Variants in BST2 observed in about 807,000 individuals in gnomAD.
The protein encoded by BST2 is bone marrow stromal antigen 2.
In BST2, 10 loss-of-function variants were observed where a neutral mutation model predicts 18.6. That is an observed-to-expected ratio of 0.54 (90% CI 0.33 to 0.91). BST2 has a LOEUF of 0.91. Among genes scored for constraint, BST2 ranks in the 40% least tolerant of loss-of-function variants. The probability of loss-of-function intolerance (pLI) is 0.02; values close to 1 mark genes in which losing one functional copy is unlikely to be tolerated. For missense variants in BST2, 183 were observed against 228.4 expected, an observed-to-expected ratio of 0.80 and a Z score of 1.28; for synonymous variants, 75 against 96.8, an observed-to-expected ratio of 0.77 and a Z score of 1.32.
At chr19:17,404,904 A>G (rs2074717000) in intron 1 of BST2, among the ~76,000 whole-genome samples, 1 of 152,138 alleles carries the variant, frequency 6.6e-6, no homozygotes, top group African/African-American at 2.4e-5. Context: ...CCCCTTTTTC[A>G]GGGTCTGGTG....
chr19:17,403,870 G>T, intron 3 of BST2, 46 bp from the exon 4 acceptor site: 1 of 1,590,966 alleles, frequency 6.3e-7, no homozygotes. Flanking sequence ...CCTGGCTCCT[G>T]CCGCCCTCCC....
chr19:17,403,805 T>C lies in BST2; in HGVS notation c.433A>G (p.Ser145Gly). ...ERLRRENQVL[S>G]VRIADKKYYP... ...TACTTCTTGTCCGCGATTCTCACGC[T>C]TAAGACCTGGTTTTCTCTTCTGCGG... The change falls in exon 4 of 5, where the codon AGC becomes GGC. Residue 145 changes from serine (S) to glycine (G), a missense_variant. Physicochemically the swap from Ser to Gly is moderately conservative, Grantham distance 56. Coordinates refer to ENST00000252593, the MANE Select transcript of BST2 (RefSeq NM_004335.4). 15 of 1,605,672 alleles carry C rather than the reference T, an allele frequency of 9.3e-6. No individual in the cohort carries two copies. The highest frequency in any genetic ancestry group is 1.3e-5 in the Non-Finnish European group (15 of 1,177,870).
intron 2 of BST2, 86 bp downstream of exon 2, chr19:17,404,285 A>G (rs2074713468): frequency 6.5e-7 from 1 of 1,540,272 alleles, no homozygotes; most frequent in Non-Finnish European, 9.0e-7. Flanking sequence ...CCTTACCCCA[A>G]CCTCCAGCCC....
At chr19:17,404,698 G>A (rs954637816) in intron 1 of BST2, among the ~76,000 whole-genome samples, 2 of 152,148 alleles carry the variant, frequency 1.3e-5, no homozygotes, top group African/African-American at 2.4e-5. Context: ...GGAGGCTATC[G>A]ATAACCAAAG....
Position 17,405,485 on chromosome 19 carries a change from G to A in BST2, c.91C>T (p.Leu31Phe), listed in dbSNP as rs556888178. The part of the protein sequence containing the change: ...KLLLGIGILV[L>F]LIIVILGVPL... ...ACCCCCAGAATCACGATGATCAGGA[G>A]CACCAGAATTCCTATCCCCAGCAGA... The change falls in exon 1 of 5, where the codon CTC becomes TTC. Residue 31 changes from leucine to phenylalanine, a missense_variant. Physicochemically the swap from Leu to Phe is conservative, Grantham distance 22. Transcript: ENST00000252593. 3 of 1,614,252 alleles carry A rather than the reference G, an allele frequency of 1.9e-6. No homozygotes were observed. The highest frequency in any genetic ancestry group is 1.1e-5 in the South Asian group (1 of 91,090).
In BST2 at chr19:17,403,702, A is replaced by G. The variant is rs2074709141; in HGVS notation, c.536T>C (p.Leu179Pro). 1.2e-6 allele frequency: 2 copies of G among 1,611,912 alleles called. No individual in the cohort carries two copies. The highest frequency in any genetic ancestry group is 8.5e-7 in the Non-Finnish European group (1 of 1,179,594). The change falls in exon 4 of 5, where the codon CTG becomes CCG. Residue 179 changes from leucine (L) to proline (P), a missense_variant. By Grantham distance (98) the Leu-to-Pro change is moderately conservative. Transcript: ENST00000252593. ...GACCAGCTTCCTGGGATCTCACTGC[A>G]GCAGAGCGCTGAGGCCCAGCAGCAC... ...LIVLLGLSAL[L>P]Q
At chr19:17,404,960 T>G (rs1035455507) in intron 1 of BST2, among the ~76,000 whole-genome samples, 1 of 152,218 alleles carries the variant, frequency 6.6e-6, no homozygotes, top group African/African-American at 2.4e-5. Context: ...CCCCCAGGAC[T>G]GGTGCCCACG....
chr19:17,403,097 GA>G lies in BST2; in HGVS notation c.*244del. Reference sequence around the variant, plus strand: ...TCTCAGGGTGGGAGACAAGAGGGGGGACTCATTGTCCGGAGGGAGGCTCTGG... The same window carrying G: ...TCTCAGGGTGGGAGACAAGAGGGGGGCTCATTGTCCGGAGGGAGGCTCTGG... On this transcript the variant is annotated 3_prime_UTR_variant, in exon 5 of 5. Transcript: ENST00000252593. 18 of 985,318 alleles carry G rather than the reference GA, an allele frequency of 1.8e-5. No homozygotes were observed. Among genetic ancestry groups the G allele is most frequent in the Non-Finnish European group, 2.2e-5 (18 of 830,062 alleles). The allele number at this position is 985,318 out of a possible 1,614,324, so 61.0% of individuals were successfully genotyped here. A position where few individuals can be genotyped will look rare whatever the true frequency, so the allele number is the denominator to read the frequency against.
chr19:17,403,886 G>A (rs1346189909), intron 3 of BST2, 62 bp from the exon 4 acceptor site: 78 of 1,571,358 alleles, frequency 5.0e-5, no homozygotes, highest in Non-Finnish European at 5.9e-5. Context: ...CTCCCTGTAA[G>A]CCCACCGCCC....
Position 17,403,680 on chromosome 19 carries a change from C to G in BST2, c.*15G>C, listed in dbSNP as rs759900148. 1.0e-4 allele frequency: 166 copies of G among 1,610,828 alleles called. No homozygotes were observed. Among genetic ancestry groups the G allele is most frequent in the Non-Finnish European group, 1.4e-4 (162 of 1,179,766 alleles). On this transcript the variant is annotated splice_region_variant and 3_prime_UTR_variant, in exon 4 of 5. Coordinates refer to ENST00000252593, the MANE Select transcript of BST2 (RefSeq NM_004335.4). Reference sequence around the variant, plus strand: ...CCGGGGCCGCCCCCTCCTCACTGACCAGCTTCCTGGGATCTCACTGCAGCA... The same window carrying G: ...CCGGGGCCGCCCCCTCCTCACTGACGAGCTTCCTGGGATCTCACTGCAGCA...
At chr19:17,403,918 C>CCCCAATCCAAGTCACCGG in intron 3 of BST2, 94 bp from the exon 4 acceptor site, 1 of 1,503,510 alleles carries the variant, frequency 6.7e-7, no homozygotes, top group Non-Finnish European at 8.9e-7. Flanking sequence ...CCCCGCACCG[C>CCCCAATCCAAGTCACCGG]CCCAATCCAA....
In BST2 at chr19:17,405,317, G is replaced by T. The variant is rs1490868116; in HGVS notation, c.259C>A (p.Gln87Lys). 6.2e-7 allele frequency: 1 copy of T among 1,613,010 alleles called. No individual in the cohort carries two copies. The highest frequency in any genetic ancestry group is 1.3e-5 in the African/African-American group (1 of 75,052). The part of the protein sequence containing the change: ...AQKGFQDVEA[Q>K]AATCNHTVMA... ...ACAGTGTGGTTGCAGGTGGCGGCCT[G>T]GGCCTCCACATCCTGAAAGCCCTTC... The change falls in exon 1 of 5, where the codon CAG becomes AAG. Residue 87 changes from glutamine (Q) to lysine (K), a missense_variant. By Grantham distance (53) the Gln-to-Lys change is moderately conservative. Coordinates refer to ENST00000252593, the MANE Select transcript of BST2 (RefSeq NM_004335.4).
chr19:17,403,630 C>T, intron 4 of BST2, 50 bp downstream of exon 4: 2 of 1,575,312 alleles, frequency 1.3e-6, no homozygotes, highest in African/African-American at 1.4e-5. Flanking sequence ...TTCCCCGCCC[C>T]GCTTCCCCAG....
chr19:17,404,122 C>T lies in BST2; in HGVS notation c.413+7G>A, dbSNP rs2074712185. 4.4e-6 allele frequency: 7 copies of T among 1,581,878 alleles called. No homozygotes were observed. The highest frequency in any genetic ancestry group is 6.0e-6 in the Non-Finnish European group (7 of 1,164,232). On this transcript the variant is annotated splice_region_variant and intron_variant, in intron 3 of 4. Transcript: ENST00000252593. ...GTGGAGGGTAGCGGGGGAAGGCTATCTCTGACCTCAGTCGCTCCACCTCTG... is the reference window on the plus strand; with the variant it reads ...GTGGAGGGTAGCGGGGGAAGGCTATTTCTGACCTCAGTCGCTCCACCTCTG...
Position 17,402,979 on chromosome 19 carries a change from A to T in BST2, c.*363T>A. On this transcript the variant is annotated 3_prime_UTR_variant, in exon 5 of 5. Transcript: ENST00000252593. ...CTCAAAGGAAGTGTTTATTTTTTGG[A>T]GCTCAAAGACCCCAGAAAAAAGCAA... 1.0e-6 allele frequency: 1 copy of T among 985,008 alleles called. No individual in the cohort carries two copies. Among genetic ancestry groups the T allele is most frequent in the Non-Finnish European group, 1.2e-6 (1 of 829,902 alleles). The allele number at this position is 985,008 out of a possible 1,614,324, so 61.0% of individuals were successfully genotyped here.
chr19:17,404,239 G>T (rs2074713199), intron 2 of BST2, 50 bp from the exon 3 acceptor site: 1 of 1,577,860 alleles, frequency 6.3e-7, no homozygotes, highest in Non-Finnish European at 8.7e-7. Flanking sequence ...ATGTGGCCAT[G>T]CTGGGGCCCT....
At chr19:17,404,274 C>T (rs2074713402) in intron 2 of BST2, 85 bp from the exon 3 acceptor site, 1 of 1,553,560 alleles carries the variant, frequency 6.4e-7, no homozygotes, top group Non-Finnish European at 8.9e-7. Context: ...CAGAACCTCC[C>T]CCTTACCCCA....
intron 3 of BST2, 100 bp downstream of exon 3, chr19:17,404,029 G>A: frequency 1.4e-6 from 2 of 1,412,066 alleles, no homozygotes; most frequent in South Asian, 2.5e-5. Context: ...TGGGGCAATG[G>A]GGATTTTGGG....
In BST2 at chr19:17,404,133, G is replaced by A; in HGVS notation, c.409C>T (p.Leu137=). Residue 137 remains leucine (L), a synonymous_variant, in exon 3 of 5, where the codon CTG becomes TTG. Transcript: ENST00000252593. ...CGGGGGAAGGCTATCTCTGACCTCAGTCGCTCCACCTCTGCAGACGCGTCC... is the reference window on the plus strand; with the variant it reads ...CGGGGGAAGGCTATCTCTGACCTCAATCGCTCCACCTCTGCAGACGCGTCC... The part of the protein sequence containing the change: ...LQDASAEVER[L]RRENQVLSVR... 1 of 1,588,328 alleles carries A rather than the reference G, an allele frequency of 6.3e-7. No individual in the cohort carries two copies. Among genetic ancestry groups the A allele is most frequent in the Non-Finnish European group, 8.6e-7 (1 of 1,167,318 alleles).
Sources: gnomAD v4.1 joint callset for allele counts (sites outside exome capture counted in the v4.1 genomes callset) on GRCh38, gnomAD v4.1.1 for gene constraint, MANE v1.5 for transcripts, NCBI Gene and HGNC (gene_info 2026-07-23, HGNC 2026-07-21) for gene names.